TRPM3: variants seen among roughly 807,000 people sequenced by gnomAD.
The protein encoded by TRPM3 is transient receptor potential cation channel subfamily M member 3, also known as long transient receptor potential channel 3.
Under a neutral mutation model 181.2 loss-of-function variants are expected in TRPM3, and 77 were observed. That is an observed-to-expected ratio of 0.42 (90% confidence interval 0.35 to 0.51). The LOEUF (loss-of-function observed/expected upper bound fraction) is 0.51. Ranked by LOEUF, TRPM3 falls within the 20% of genes least tolerant of loss-of-function variation. TRPM3 has a pLI of 0.01. For synonymous variants in TRPM3, 745 were observed against 796.4 expected (o/e 0.94, Z 1.09); for missense variants, 1,759 against 2,196.7 (o/e 0.80, Z 3.98).
At chr9:70,676,741 C>A (rs1321582001) in intron 9 of TRPM3, among the ~76,000 whole-genome samples, 1 of 152,106 alleles carries the variant, frequency 6.6e-6, no homozygotes, top group Non-Finnish European at 1.5e-5. Flanking sequence ...GCCAAACTTG[C>A]CTTAAGGCTA....
chr9:70,940,142 T>C (rs935868343), intron 1 of TRPM3, among the ~76,000 whole-genome samples: 14 of 152,330 alleles, frequency 9.2e-5, no homozygotes, highest in African/African-American at 2.4e-4. Flanking sequence ...TCAGAATTTA[T>C]GTGCCAGCCT....
At position 70,625,215 on chromosome 9, in the gene TRPM3, G is replaced by A; in HGVS notation, c.1785C>T (p.Tyr595=). The A allele has an allele frequency of 1.2e-6, 2 of 1,614,088 alleles. No individual in the cohort carries two copies. The highest frequency in any genetic ancestry group is 3.3e-4 in the Middle Eastern group (2 of 6,062). ...CCCTCTTGGGGCCGAAGAGGTTGTG[G>A]TAGAGGGTCCGGAAGCGCTTGCGCG... ...NYTRKRFRTL[Y]HNLFGPKRPK... The change falls in exon 14 of 26, where the codon TAC becomes TAT. Residue 595 remains tyrosine (Y), a synonymous_variant. Transcript: ENST00000677713. This position sits in a 1 kb window ranked among gnomAD's most constrained non-coding sequence, Gnocchi z 4.8.
At chr9:71,183,956 AATTC>A (rs1456235489) in intron 1 of TRPM3, among the ~76,000 whole-genome samples, 4 of 152,082 alleles carry the variant, frequency 2.6e-5, no homozygotes, top group African/African-American at 9.7e-5. Flanking sequence ...ATTCAGAAGC[AATTC>A]ATTCAGGCCC....
At chr9:71,082,566 G>T (rs1591276375) in intron 1 of TRPM3, among the ~76,000 whole-genome samples, 1 of 152,132 alleles carries the variant, frequency 6.6e-6, no homozygotes, top group East Asian at 1.9e-4. Context: ...AGTTCACAAG[G>T]TACCTTAACT....
intron 1 of TRPM3, among the ~76,000 whole-genome samples, chr9:71,216,452 A>G (rs1157382269): frequency 6.6e-6 from 1 of 152,236 alleles, no homozygotes; most frequent in Non-Finnish European, 1.5e-5. Context: ...TCTACACAAA[A>G]TAATAAAGTA....
intron 1 of TRPM3, among the ~76,000 whole-genome samples, chr9:71,446,293 T>C (rs974027829): frequency 6.6e-6 from 1 of 152,192 alleles, no homozygotes; most frequent in Non-Finnish European, 1.5e-5. Flanking sequence ...TTCGACATGC[T>C]GCACAGACAG....
Position 71,308,583 on chromosome 9 carries a change from A to G in TRPM3, c.183+138070T>C, listed in dbSNP as rs187576692. On this transcript the variant is annotated intron_variant, in intron 1 of 24. Coordinates refer to the TRPM3 transcript ENST00000357533. The stretch of plus-strand genomic sequence containing the variant: ...CTAATCATTTTCTTTTTGTAGGATC[A>G]GTTGGAGGTTAGGTAGGACTTGGTC... Among the ~76,000 whole-genome samples, 92 of 152,276 alleles carry G rather than the reference A, an allele frequency of 6.0e-4. 1 individual carries two copies. The highest frequency in any genetic ancestry group is 2.0e-3 in the African/African-American group (83 of 41,572).
intron 6 of TRPM3, among the ~76,000 whole-genome samples, chr9:70,791,360 T>C (rs2085358473): frequency 6.6e-6 from 1 of 152,226 alleles, no homozygotes; most frequent in Admixed American, 6.5e-5. Flanking sequence ...TAAATACTTA[T>C]GGTTCTCTAG....
intron 1 of TRPM3, among the ~76,000 whole-genome samples, chr9:71,005,330 T>C (rs1018497457): frequency 1.3e-5 from 2 of 151,786 alleles, no homozygotes; most frequent in African/African-American, 4.8e-5. Flanking sequence ...CACTTGAACC[T>C]GGGAGGTGGA....
intron 1 of TRPM3, among the ~76,000 whole-genome samples, chr9:71,412,285 A>G (rs1462572880): frequency 5.3e-5 from 8 of 152,216 alleles, no homozygotes; most frequent in Admixed American, 5.2e-4. Context: ...GCACAGCAAA[A>G]GAAACTACCA....
At chr9:70,913,102 A>G (rs2096555198) in intron 1 of TRPM3, among the ~76,000 whole-genome samples, 1 of 152,218 alleles carries the variant, frequency 6.6e-6, no homozygotes, top group East Asian at 1.9e-4. Flanking sequence ...CATCTCTAAT[A>G]GCAAAATTGC....
At chr9:71,161,295 A>AT in intron 1 of TRPM3, among the ~76,000 whole-genome samples, 1 of 152,260 alleles carries the variant, frequency 6.6e-6, no homozygotes, top group Non-Finnish European at 1.5e-5. Flanking sequence ...CACTGCAGTG[A>AT]TAACCAAACC....
chr9:71,106,196 T>A (rs1357107400), intron 1 of TRPM3, among the ~76,000 whole-genome samples: 1 of 152,172 alleles, frequency 6.6e-6, no homozygotes, highest in Non-Finnish European at 1.5e-5. Flanking sequence ...ACACATGTTT[T>A]CCTTTTGCTC....
intron 1 of TRPM3, among the ~76,000 whole-genome samples, chr9:71,395,658 A>G (rs75725420): frequency 1.1e-4 from 16 of 152,360 alleles, no homozygotes; most frequent in African/African-American, 2.6e-4. Context: ...GCTTGTTTCA[A>G]TCTTTTGAAA....
intron 8 of TRPM3, among the ~76,000 whole-genome samples, chr9:70,692,542 G>T (rs759940689): frequency 2.3e-4 from 35 of 152,152 alleles, no homozygotes; most frequent in Non-Finnish European, 4.4e-4. Flanking sequence ...CTAGGGAGAG[G>T]TGATTGCTCT....
Position 70,790,559 on chromosome 9 carries a change from G to C in TRPM3, c.974-6280C>G, listed in dbSNP as rs148514750. Reference sequence around the variant, plus strand: ...GACATTATGCATCCATGGAGAGCAGGCAAGCTATTTTGCCTCATTTTAATG... The same window carrying C: ...GACATTATGCATCCATGGAGAGCAGCCAAGCTATTTTGCCTCATTTTAATG... On this transcript the variant is annotated intron_variant, in intron 6 of 25. Transcript: ENST00000677713. Among the ~76,000 whole-genome samples the C allele has an allele frequency of 4.6e-5, 7 of 152,286 alleles. No individual in the cohort carries two copies. The East Asian group carries it at 1.4e-3, about 29-fold the overall frequency.
At chr9:70,935,154 C>T (rs1037100470) in intron 1 of TRPM3, among the ~76,000 whole-genome samples, 1 of 152,132 alleles carries the variant, frequency 6.6e-6, no homozygotes, top group African/African-American at 2.4e-5. Flanking sequence ...GTCCTTTCTG[C>T]GAGGACTTCC....
At chr9:71,038,847 A>C (rs1269337555) in intron 1 of TRPM3, among the ~76,000 whole-genome samples, 1 of 152,102 alleles carries the variant, frequency 6.6e-6, no homozygotes, top group African/African-American at 2.4e-5. Context: ...ATCACATTCC[A>C]AGCAGAGGAA....
intron 1 of TRPM3, among the ~76,000 whole-genome samples, chr9:71,322,815 A>G (rs1393330314): frequency 3.9e-5 from 6 of 152,164 alleles, no homozygotes; most frequent in Non-Finnish European, 4.4e-5. Context: ...CAGCATTGCC[A>G]AAGTTAAAAT....
Sources: gnomAD v4.1 joint callset for allele counts (sites outside exome capture counted in the v4.1 genomes callset) on GRCh38, gnomAD v4.1.1 for gene constraint, Gnocchi (gnomAD v3.1) non-coding constraint, MANE v1.5 for transcripts, NCBI Gene and HGNC (gene_info 2026-07-23, HGNC 2026-07-21) for gene names.